The following KCNV1 variants were observed in gnomAD, a reference collection of about 807,000 sequenced individuals.
KCNV1 encodes potassium voltage-gated channel modifier subfamily V member 1, also known as potassium voltage-gated channel subfamily V member 1.
KCNV1 carries 2 observed loss-of-function variants against 36.4 expected under a neutral mutation model. That is an observed-to-expected ratio of 0.05 (90% CI 0.02 to 0.17). KCNV1 has a LOEUF of 0.17. Among genes scored for constraint, KCNV1 ranks in the 10% least tolerant of loss-of-function variants. KCNV1 has a pLI of 1.00. For synonymous variants in KCNV1, 280 were observed against 261.1 expected (o/e 1.07, Z -0.70); for missense variants, 321 against 643.6 (o/e 0.50, Z 5.42).
In KCNV1 at chr8:109,974,149, G is replaced by A. The variant is rs1478945876; in HGVS notation, c.240C>T (p.Ala80=). Residue 80 remains alanine (A), a synonymous_variant, in exon 2 of 4, where the codon GCC becomes GCT. Transcript: ENST00000524391. This position sits in a 1 kb window ranked among gnomAD's most constrained non-coding sequence, Gnocchi z 6.2. The stretch of plus-strand genomic sequence containing the variant: ...CCAGAGGGCTGGGCACGGCGGCCAG[G>A]GCCCCGGGGCGGCGGTAGGAAGCCA... ...VVVASYRRPG[A]LAAVPSPLEL... The A allele has an allele frequency of 6.2e-7, 1 of 1,606,970 alleles. No homozygotes were observed.
In KCNV1 at chr8:109,966,719, C is replaced by A. The variant is rs923006926; in HGVS notation, c.*1369G>T. Reference sequence around the variant, plus strand: ...CCTTATAGCTATATATTAAAGCAGTCCTCAATGTTTATTTCTTATCACCAT... The same window carrying A: ...CCTTATAGCTATATATTAAAGCAGTACTCAATGTTTATTTCTTATCACCAT... On this transcript the variant is annotated 3_prime_UTR_variant, in exon 4 of 4. Coordinates refer to ENST00000524391, the MANE Select transcript of KCNV1 (RefSeq NM_014379.4). The A allele has an allele frequency of 1.3e-5, 2 of 152,040 alleles. No homozygotes were observed. The highest frequency in any genetic ancestry group is 2.9e-5 in the Non-Finnish European group (2 of 68,000). 9.4% of individuals were successfully genotyped at this position (152,040 alleles called of 1,614,324 possible).
In KCNV1 at chr8:109,968,421, C is replaced by G. The variant is rs1819969622; in HGVS notation, c.1170G>C (p.Met390Ile). ...PCAWWWATTS[M>I]TTVGYGDIRP... ...TAATGTCCCCATATCCCACAGTAGTCATAGAGGTGGTGGCCCACCACCATG... is the reference window on the plus strand; with the variant it reads ...TAATGTCCCCATATCCCACAGTAGTGATAGAGGTGGTGGCCCACCACCATG... The change falls in exon 4 of 4, where the codon ATG (methionine) becomes ATC (isoleucine). Residue 390 changes from methionine to isoleucine, a missense_variant. By Grantham distance (10) the Met-to-Ile change is conservative. Transcript: ENST00000524391. This position sits in a 1 kb window ranked among gnomAD's most constrained non-coding sequence, Gnocchi z 5.3. The G allele has an allele frequency of 6.2e-7, 1 of 1,613,992 alleles. No individual in the cohort carries two copies. The highest frequency in any genetic ancestry group is 8.5e-7 in the Non-Finnish European group (1 of 1,179,992).
intron 3 of KCNV1, among the ~76,000 whole-genome samples, chr8:109,969,677 C>G (rs989525954): frequency 4.0e-5 from 6 of 151,752 alleles, no homozygotes; most frequent in African/African-American, 1.5e-4. Context: ...AAACCCTATC[C>G]CTACTAAAAA....
rs1248406419 is a variant in KCNV1 at position 109,966,878 on chromosome 8, A to G, written c.*1210T>C. On this transcript the variant is annotated 3_prime_UTR_variant, in exon 4 of 4. Transcript: ENST00000524391. ...GTGATAAGATTTTTTTTTCCTCAAGAACCAATTTTCTTCCCCTTGGGGGCT... is the reference window on the plus strand; with the variant it reads ...GTGATAAGATTTTTTTTTCCTCAAGGACCAATTTTCTTCCCCTTGGGGGCT... 1 of 152,042 alleles carries G rather than the reference A, an allele frequency of 6.6e-6. No individual in the cohort carries two copies. Among genetic ancestry groups the G allele is most frequent in the Non-Finnish European group, 1.5e-5 (1 of 67,960 alleles). The allele number at this position is 152,042 out of a possible 1,614,324, so 9.4% of individuals were successfully genotyped here.
At chr8:109,969,398 A>G (rs188434704) in intron 3 of KCNV1, among the ~76,000 whole-genome samples, 11 of 152,256 alleles carry the variant, frequency 7.2e-5, no homozygotes, top group Non-Finnish European at 1.3e-4. Flanking sequence ...CTCCATTGCA[A>G]AAAGGTATGG....
chr8:109,968,672 C>G lies in KCNV1; in HGVS notation c.992-73G>C. On this transcript the variant is annotated intron_variant, in intron 3 of 3. Coordinates refer to ENST00000524391, the MANE Select transcript of KCNV1 (RefSeq NM_014379.4). The surrounding 1 kb of genome is among the most constrained non-coding windows in gnomAD (Gnocchi z 5.3). ...CTTCCTTCCCTCCCCTCCCCTCTCC[C>G]TCCTTGCTCTGCCACCCACAAACTG... 28 of 1,480,326 alleles carry G rather than the reference C, an allele frequency of 1.9e-5. No homozygotes were observed. Among genetic ancestry groups the G allele is most frequent in the Non-Finnish European group, 2.5e-5 (28 of 1,098,758 alleles). The allele number at this position is 1,480,326 out of a possible 1,614,324, so 91.7% of individuals were successfully genotyped here. A position where few individuals can be genotyped will look rare whatever the true frequency, so the allele number is the denominator to read the frequency against.
In KCNV1 at chr8:109,973,999, C is replaced by A; in HGVS notation, c.390G>T (p.Ala130=). ...GRLHVMEQLC[A]LSFLQEIQYW... is the part of the protein sequence containing the mutation. ...ACTGGATCTCCTGCAGGAAGGAGAG[C>A]GCGCACAGCTGCTCCATGACATGCA... The change falls in exon 2 of 4, where the codon GCG becomes GCT. Residue 130 remains alanine, a synonymous_variant. Coordinates refer to ENST00000524391, the MANE Select transcript of KCNV1 (RefSeq NM_014379.4). The A allele has an allele frequency of 6.2e-7, 1 of 1,613,352 alleles. No homozygotes were observed. The highest frequency in any genetic ancestry group is 8.5e-7 in the Non-Finnish European group (1 of 1,179,974).
In KCNV1 at chr8:109,965,382, A is replaced by G. The variant is rs1194265029; in HGVS notation, c.*2706T>C. 2 of 152,194 alleles carry G rather than the reference A, an allele frequency of 1.3e-5. No individual in the cohort carries two copies. The highest frequency in any genetic ancestry group is 3.8e-4 in the East Asian group (2 of 5,202). 9.4% of individuals were successfully genotyped at this position (152,194 alleles called of 1,614,324 possible). On this transcript the variant is annotated 3_prime_UTR_variant, in exon 4 of 4. Coordinates refer to ENST00000524391, the MANE Select transcript of KCNV1 (RefSeq NM_014379.4). ...AAATAATGGGTTATAAAATTGGCAG[A>G]GTTCCTGCCTTGATTTTTTTACCTA...
intron 2 of KCNV1, 109 bp downstream of exon 2, chr8:109,973,819 A>T: frequency 1.3e-6 from 1 of 760,416 alleles, no homozygotes; most frequent in Non-Finnish European, 2.0e-6. Flanking sequence ...CCTTATTGCT[A>T]GGCCTGGCTC....
chr8:109,975,363 C>T (rs1035274373), intron 1 of KCNV1, among the ~76,000 whole-genome samples, 171 bp from the exon 2 acceptor site: 2 of 152,114 alleles, frequency 1.3e-5, no homozygotes, highest in African/African-American at 4.8e-5. Flanking sequence ...ACAAGTTTCC[C>T]GGAGAGCAGG....
In KCNV1 at chr8:109,968,851, T is replaced by C. The variant is rs576799149; in HGVS notation, c.992-252A>G. On this transcript the variant is annotated intron_variant, in intron 3 of 3. Transcript: ENST00000524391. This position sits in a 1 kb window ranked among gnomAD's most constrained non-coding sequence, Gnocchi z 5.3. ...ATATAATTAGATTCATTAATTCACCTATAGAATTATTGAACTTCTACTATT... is the reference window on the plus strand; with the variant it reads ...ATATAATTAGATTCATTAATTCACCCATAGAATTATTGAACTTCTACTATT... 6.6e-6 allele frequency among the ~76,000 whole-genome samples: 1 copy of C among 152,292 alleles called. No homozygotes were observed. Among genetic ancestry groups the C allele is most frequent in the East Asian group, 1.9e-4 (1 of 5,186 alleles).
In KCNV1 at chr8:109,972,825, A is replaced by G. The variant is rs775870581; in HGVS notation, c.462-38T>C. The stretch of plus-strand genomic sequence containing the variant: ...ACAATTTGGTGATTAGTCTAACTTT[A>G]TTAAAATACAGAAGTATAAGATAAT... On this transcript the variant is annotated intron_variant, in intron 2 of 3. Transcript: ENST00000524391. The surrounding 1 kb of genome is among the most constrained non-coding windows in gnomAD (Gnocchi z 5.2). 6.9e-7 allele frequency: 1 copy of G among 1,459,828 alleles called. No individual in the cohort carries two copies. 90.4% of individuals were successfully genotyped at this position (1,459,828 alleles called of 1,614,324 possible).
Position 109,966,883 on chromosome 8 carries a change from A to G in KCNV1, c.*1205T>C, listed in dbSNP as rs1819950013. Reference sequence around the variant, plus strand: ...AAGATTTTTTTTTCCTCAAGAACCAATTTTCTTCCCCTTGGGGGCTCTATT... The same window carrying G: ...AAGATTTTTTTTTCCTCAAGAACCAGTTTTCTTCCCCTTGGGGGCTCTATT... On this transcript the variant is annotated 3_prime_UTR_variant, in exon 4 of 4. Transcript: ENST00000524391. The G allele has an allele frequency of 1.3e-5, 2 of 152,128 alleles. No homozygotes were observed. Among genetic ancestry groups the G allele is most frequent in the Non-Finnish European group, 2.9e-5 (2 of 67,968 alleles). The allele number at this position is 152,128 out of a possible 1,614,324, so 9.4% of individuals were successfully genotyped here. A position where few individuals can be genotyped will look rare whatever the true frequency, so the allele number is the denominator to read the frequency against.
At chr8:109,973,448 T>C (rs1331197843) in intron 2 of KCNV1, among the ~76,000 whole-genome samples, 4 of 152,226 alleles carry the variant, frequency 2.6e-5, no homozygotes, top group Non-Finnish European at 1.5e-5. Context: ...GAAATGGTAG[T>C]AATAGCAAGG....
In KCNV1 at chr8:109,966,752, T is replaced by C. The variant is rs1273586527; in HGVS notation, c.*1336A>G. ...TTTATTTCTTATCACCATTCACCCC[T>C]GGCAAAGAGCCTTCTAGGCTTTTTT... On this transcript the variant is annotated 3_prime_UTR_variant, in exon 4 of 4. Coordinates refer to ENST00000524391, the MANE Select transcript of KCNV1 (RefSeq NM_014379.4). The C allele has an allele frequency of 6.6e-6, 1 of 152,160 alleles. No individual in the cohort carries two copies. Among genetic ancestry groups the C allele is most frequent in the Non-Finnish European group, 1.5e-5 (1 of 67,992 alleles). The allele number at this position is 152,160 out of a possible 1,614,324, so 9.4% of individuals were successfully genotyped here.
chr8:109,968,747 A>C lies in KCNV1; in HGVS notation c.992-148T>G. ...CACTGGGCAATGTTCTGGGGATACAAAGTTGATTAAATCATAATCCTTGTG... is the reference window on the plus strand; with the variant it reads ...CACTGGGCAATGTTCTGGGGATACACAGTTGATTAAATCATAATCCTTGTG... On this transcript the variant is annotated intron_variant, in intron 3 of 3. Coordinates refer to ENST00000524391, the MANE Select transcript of KCNV1 (RefSeq NM_014379.4). The surrounding 1 kb of genome is among the most constrained non-coding windows in gnomAD (Gnocchi z 5.3). The C allele has an allele frequency of 1.3e-6, 1 of 753,028 alleles. No individual in the cohort carries two copies. Among genetic ancestry groups the C allele is most frequent in the South Asian group, 2.5e-5 (1 of 40,000 alleles). The allele number at this position is 753,028 out of a possible 1,614,324, so 46.6% of individuals were successfully genotyped here.
rs1819938566 is a variant in KCNV1, at chr8:109,965,895, T to G, written c.*2193A>C. 2 of 152,204 alleles carry G rather than the reference T, an allele frequency of 1.3e-5. No homozygotes were observed. 9.4% of individuals were successfully genotyped at this position (152,204 alleles called of 1,614,324 possible). ...GTTTTCCGGGTCAGGCAGATTGGTA[T>G]TCAGCGCTGGCTCTGCCATCTATAG... On this transcript the variant is annotated 3_prime_UTR_variant, in exon 4 of 4. Transcript: ENST00000524391.
chr8:109,963,792 A>G lies in KCNV1; in HGVS notation c.*4296T>C, dbSNP rs1434013366. The G allele has an allele frequency of 1.3e-5, 2 of 152,210 alleles. No homozygotes were observed. The highest frequency in any genetic ancestry group is 4.8e-5 in the African/African-American group (2 of 41,456). The allele number at this position is 152,210 out of a possible 1,614,324, so 9.4% of individuals were successfully genotyped here. On this transcript the variant is annotated 3_prime_UTR_variant, in exon 4 of 4. Transcript: ENST00000524391. ...AATGATAAATGCAACAATTTCTTGT[A>G]TGTTATAGAAATAATATATACATAA...
Position 109,966,762 on chromosome 8 carries a change from C to G in KCNV1, c.*1326G>C, listed in dbSNP as rs1056774184. ...ATCACCATTCACCCCTGGCAAAGAG[C>G]CTTCTAGGCTTTTTTCCCTAACATC... On this transcript the variant is annotated 3_prime_UTR_variant, in exon 4 of 4. Transcript: ENST00000524391. The G allele has an allele frequency of 1.3e-5, 2 of 152,114 alleles. No homozygotes were observed. The highest frequency in any genetic ancestry group is 2.4e-5 in the African/African-American group (1 of 41,438). The allele number at this position is 152,114 out of a possible 1,614,324, so 9.4% of individuals were successfully genotyped here.
Sources: allele counts gnomAD v4.1 joint callset (sites outside exome capture counted in the v4.1 genomes callset), GRCh38; gene constraint gnomAD v4.1.1; non-coding constraint Gnocchi (gnomAD v3.1); transcripts MANE v1.5; gene names NCBI Gene and HGNC (gene_info 2026-07-23, HGNC 2026-07-21).